Variants in RYR3 observed in about 807,000 individuals in gnomAD.
RYR3 encodes brain ryanodine receptor-calcium release channel.
Under a neutral mutation model 584.3 loss-of-function variants are expected in RYR3, and 207 were observed. The observed-to-expected ratio is 0.35, with a 90% CI of 0.32 to 0.40. RYR3 has a LOEUF of 0.40. RYR3 is among the 10% of genes least tolerant of loss of function. RYR3 has a pLI of 1.00. For synonymous variants in RYR3, 2,416 were observed against 2,248.5 expected, an observed-to-expected ratio of 1.07 and a Z score of -2.11; for missense variants, 5,616 against 6,089.2, an observed-to-expected ratio of 0.92 and a Z score of 2.59.
At chr15:33,830,942 G>C (rs1269705766) in intron 85 of RYR3, 21 bp from the exon 86 acceptor site, 1 of 1,611,076 alleles carries the variant, frequency 6.2e-7, no homozygotes, top group South Asian at 1.1e-5. Context: ...GAAATACTAA[G>C]CTCTACTCAT....
Position 33,793,512 on chromosome 15 carries a change from G to C in RYR3, c.9830+5054G>C, listed in dbSNP as rs558480951. 2.0e-5 allele frequency among the ~76,000 whole-genome samples: 3 copies of C among 151,992 alleles called. No individual in the cohort carries two copies. In the East Asian group the frequency reaches 5.8e-4, roughly 29 times the overall value. On this transcript the variant is annotated intron_variant, in intron 67 of 103. Coordinates refer to ENST00000634891, the MANE Select transcript of RYR3 (RefSeq NM_001036.6). ...GGTCACTTCATTAGCATAAACCCAG[G>C]TATGGTCAAAGGGGCTCGTTATATA...
At chr15:33,774,273 G>A (rs1211585456) in intron 64 of RYR3, among the ~76,000 whole-genome samples, 2 of 152,172 alleles carry the variant, frequency 1.3e-5, no homozygotes, top group Non-Finnish European at 2.9e-5. Flanking sequence ...GGAAGATTGG[G>A]AGGATAAACA....
intron 102 of RYR3, among the ~76,000 whole-genome samples, chr15:33,862,146 T>C (rs888803184): frequency 1.3e-5 from 2 of 152,092 alleles, no homozygotes; most frequent in Non-Finnish European, 2.9e-5. Context: ...AGAAAAAAAA[T>C]AAAATGCTGG....
chr15:33,514,244 C>A (rs1312130129), intron 3 of RYR3, among the ~76,000 whole-genome samples: 1 of 152,118 alleles, frequency 6.6e-6, no homozygotes, highest in East Asian at 1.9e-4. Context: ...GCATTGGCAC[C>A]GGCACTGATA....
chr15:33,823,265 G>C (rs1206898584), intron 81 of RYR3, among the ~76,000 whole-genome samples, 193 bp downstream of exon 81: 1 of 152,116 alleles, frequency 6.6e-6, no homozygotes, highest in South Asian at 2.1e-4. Context: ...ATTCAGAGGG[G>C]AAAATGTGAT....
intron 30 of RYR3, among the ~76,000 whole-genome samples, chr15:33,648,403 A>T (rs2062232966): frequency 6.6e-6 from 1 of 152,204 alleles, no homozygotes; most frequent in Admixed American, 6.5e-5. Flanking sequence ...AAGGAAAATG[A>T]TGAGCTAGTC....
Position 33,756,417 on chromosome 15 carries a change from C to T in RYR3, c.8583+44C>T, listed in dbSNP as rs138072566. On this transcript the variant is annotated intron_variant, in intron 59 of 103. Transcript: ENST00000634891. ...AATCAAATTACTTTCTTCTTAGGAT[C>T]TCTACTATTTAGGAAACAGGTTAAG... 5.0e-3 allele frequency: 6,973 copies of T among 1,389,796 alleles called. 26 individuals are homozygous for T. The highest frequency in any genetic ancestry group is 5.8e-3 in the Non-Finnish European group (5,822 of 1,000,006). 86.1% of individuals were successfully genotyped at this position (1,389,796 alleles called of 1,614,324 possible).
chr15:33,740,085 C>T (rs1196341897), intron 51 of RYR3, 90 bp downstream of exon 51: 17 of 1,096,880 alleles, frequency 1.5e-5, no homozygotes. Flanking sequence ...GTGAGCTTTA[C>T]CTCTTTCCCT....
chr15:33,756,338 T>A lies in RYR3; in HGVS notation c.8548T>A (p.Ser2850Thr). The A allele has an allele frequency of 6.3e-7, 1 of 1,581,178 alleles. No individual in the cohort carries two copies. Among genetic ancestry groups the A allele is most frequent in the Non-Finnish European group, 8.6e-7 (1 of 1,162,684 alleles). The change falls in exon 59 of 104, where the codon TCT (serine) becomes ACT (threonine). Residue 2850 changes from serine to threonine, a missense_variant. Ser to Thr is a moderately conservative substitution (Grantham distance 58). Around this residue, in one of 9 missense-constraint regions of RYR3, gnomAD observed 1,280 missense variants for 1,426.2 expected, o/e 0.90. Coordinates refer to ENST00000634891, the MANE Select transcript of RYR3 (RefSeq NM_001036.6). The stretch of plus-strand genomic sequence containing the variant: ...TGTCAGCAGTGGGAAAACTGAAAAG[T>A]CTCCCCGTGACCAGGAGATCAAATT... Reference protein sequence around the residue: ...AIVSSGKTEKSPRDQEIKFFA... With the variant: ...AIVSSGKTEKTPRDQEIKFFA...
intron 100 of RYR3, 61 bp downstream of exon 100, chr15:33,859,792 C>T (rs2080134272): frequency 2.7e-6 from 4 of 1,489,284 alleles, no homozygotes; most frequent in Non-Finnish European, 3.6e-6. Context: ...TTGCTTTCTT[C>T]CATCTATGAC....
In RYR3 at chr15:33,382,219, A is replaced by G. The variant is rs562810158; in HGVS notation, c.51+71123A>G. Among the ~76,000 whole-genome samples the G allele has an allele frequency of 8.0e-4, 122 of 152,102 alleles. 1 individual carries two copies. Among genetic ancestry groups the G allele is most frequent in the African/African-American group, 2.7e-3 (114 of 41,478 alleles). On this transcript the variant is annotated intron_variant, in intron 1 of 103. Transcript: ENST00000634891. ...AAAGTGTGTAGGCAGCAGCCAGATC[A>G]TAAGGGACTCGTCTGCTGAATTTAG...
chr15:33,738,567 A>G lies in RYR3; in HGVS notation c.7633A>G (p.Ile2545Val), dbSNP rs761972960. The change falls in exon 50 of 104, where the codon ATT becomes GTT. Residue 2545 changes from isoleucine (I) to valine (V), a missense_variant. Around this residue, in one of 9 missense-constraint regions of RYR3, gnomAD observed 1,280 missense variants for 1,426.2 expected, o/e 0.90. Transcript: ENST00000634891. ...LHLTEKLFWG[I>V]FDSLSHKKYD... is the part of the protein sequence containing the mutation. ...CCTAACGGAGAAGCTTTTCTGGGGG[A>G]TTTTTGACTCGCTCTCCCATAAGGT... 3.2e-5 allele frequency: 52 copies of G among 1,613,832 alleles called. No individual in the cohort carries two copies. The highest frequency in any genetic ancestry group is 4.3e-5 in the Non-Finnish European group (51 of 1,179,860).
intron 1 of RYR3, among the ~76,000 whole-genome samples, chr15:33,450,197 A>G (rs2141967472): frequency 6.6e-6 from 1 of 151,714 alleles, no homozygotes; most frequent in South Asian, 2.1e-4. Flanking sequence ...TCACTCAGAT[A>G]CAGCTTAGTG....
chr15:33,336,969 A>G (rs1206139878), intron 1 of RYR3, among the ~76,000 whole-genome samples: 1 of 143,748 alleles, frequency 7.0e-6, no homozygotes, highest in Non-Finnish European at 1.5e-5. Flanking sequence ...GAGGGAGGAG[A>G]ATGGCGTGAA....
chr15:33,803,404 C>T (rs1237863074), intron 69 of RYR3, among the ~76,000 whole-genome samples: 1 of 152,212 alleles, frequency 6.6e-6, no homozygotes, highest in Non-Finnish European at 1.5e-5. Context: ...CTTTCGGGGA[C>T]AGCTAGCTTA....
At chr15:33,314,946 A>AC (rs1567010289) in intron 1 of RYR3, among the ~76,000 whole-genome samples, 2 of 151,998 alleles carry the variant, frequency 1.3e-5, no homozygotes, top group African/African-American at 4.8e-5. Context: ...AAAAACCAAA[A>AC]AAAAACAACA....
chr15:33,839,685 G>A (rs565698558), intron 89 of RYR3: 4 of 152,298 alleles, frequency 2.6e-5, no homozygotes, highest in East Asian at 1.9e-4. Context: ...TGGGAATATG[G>A]TGCTGAATAA....
chr15:33,809,238 C>CAG (rs933226483), intron 70 of RYR3, among the ~76,000 whole-genome samples: 1 of 152,204 alleles, frequency 6.6e-6, no homozygotes, highest in Non-Finnish European at 1.5e-5. Context: ...GGCGTGCTTC[C>CAG]AGAGCCCTGT....
intron 1 of RYR3, among the ~76,000 whole-genome samples, chr15:33,339,829 C>CA (rs1250374738): frequency 6.7e-6 from 1 of 148,702 alleles, no homozygotes; most frequent in East Asian, 2.0e-4. Context: ...GCGGAGCTTG[C>CA]AGTGAGCCGA....
Sources: allele counts gnomAD v4.1 joint callset (sites outside exome capture counted in the v4.1 genomes callset), GRCh38; gene constraint gnomAD v4.1.1; regional missense constraint gnomAD v4.1.1; transcripts MANE v1.5; gene names NCBI Gene and HGNC (gene_info 2026-07-23, HGNC 2026-07-21).